The following ARHGAP1 variants were observed in gnomAD, a reference collection of about 807,000 sequenced individuals.
ARHGAP1 encodes the protein Rho GTPase activating protein 1, also known as rho GTPase-activating protein 1.
A neutral mutation model predicts 52.2 loss-of-function variants in ARHGAP1; 23 were observed. That is an observed-to-expected ratio of 0.44 (90% CI 0.32 to 0.62). The LOEUF (loss-of-function observed/expected upper bound fraction) is 0.62, where lower values mean the gene tolerates loss of function less well. Ranked by LOEUF, ARHGAP1 falls within the 20% of genes least tolerant of loss-of-function variation. ARHGAP1 has a pLI of 0.05. For synonymous variants in ARHGAP1, 210 were observed against 228.4 expected, an observed-to-expected ratio of 0.92 and a Z score of 0.73; for missense variants, 480 against 560.9, an observed-to-expected ratio of 0.86 and a Z score of 1.46.
rs2064657289 is a variant in ARHGAP1 at position 46,696,658 on chromosome 11, C to G, written c.-49-502G>C. Among the ~76,000 whole-genome samples, 1 of 152,338 alleles carries G rather than the reference C, an allele frequency of 6.6e-6. No homozygotes were observed. Among genetic ancestry groups the G allele is most frequent in the Admixed American group, 6.5e-5 (1 of 15,304 alleles). On this transcript the variant is annotated intron_variant, in intron 1 of 12. Transcript: ENST00000311956. The surrounding 1 kb of genome is among the most constrained non-coding windows in gnomAD (Gnocchi z 4.8). ...CCGAGGCAGGCGGATCACCTGAGGT[C>G]AGGAGTTCAAGACTAGCCTGGCCAG... is the stretch of plus-strand genomic sequence containing the variant.
intron 1 of ARHGAP1, among the ~76,000 whole-genome samples, chr11:46,697,853 G>GCCTTCAAC (rs917031413): frequency 2.6e-5 from 4 of 152,060 alleles, no homozygotes; most frequent in African/African-American, 7.2e-5. Flanking sequence ...CTCCCCTTCA[G>GCCTTCAAC]CCTTCAACCC....
At chr11:46,692,510 A>T (rs1429006193) in intron 3 of ARHGAP1, among the ~76,000 whole-genome samples, 4 of 152,106 alleles carry the variant, frequency 2.6e-5, no homozygotes. Context: ...GGTCTAAAAT[A>T]TAAGAGGTAG....
chr11:46,683,235 G>C (rs1394896753), intron 4 of ARHGAP1, among the ~76,000 whole-genome samples: 1 of 151,922 alleles, frequency 6.6e-6, no homozygotes, highest in African/African-American at 2.4e-5. Flanking sequence ...GTAGAGACAG[G>C]TCTCACTATG....
In ARHGAP1 at chr11:46,679,947, G is replaced by A. The variant is rs2064510959; in HGVS notation, c.899-171C>T. On this transcript the variant is annotated intron_variant, in intron 10 of 12. Transcript: ENST00000311956. This position sits in a 1 kb window ranked among gnomAD's most constrained non-coding sequence, Gnocchi z 4.4. ...CTTCCTCTGTGATCAGAGAATGCAG[G>A]TTCCGGCCATCTGGGGAAGTGGGGC... 2 of 1,199,792 alleles carry A rather than the reference G, an allele frequency of 1.7e-6. No individual in the cohort carries two copies. The highest frequency in any genetic ancestry group is 2.6e-5 in the Admixed American group (1 of 38,694). 74.3% of individuals were successfully genotyped at this position (1,199,792 alleles called of 1,614,324 possible). A position where few individuals can be genotyped will look rare whatever the true frequency, so the allele number is the denominator to read the frequency against.
rs1486316482 is a variant in ARHGAP1 at position 46,699,566 on chromosome 11, G to C, written c.-50+985C>G. Among the ~76,000 whole-genome samples, 4 of 133,724 alleles carry C rather than the reference G, an allele frequency of 3.0e-5. No individual in the cohort carries two copies. The East Asian group carries it at 8.3e-4, about 28-fold the overall frequency. The allele number at this position is 133,724 out of a possible 152,430, so 87.7% of individuals were successfully genotyped here. A position where few individuals can be genotyped will look rare whatever the true frequency, so the allele number is the denominator to read the frequency against. On this transcript the variant is annotated intron_variant, in intron 1 of 12. Transcript: ENST00000311956. ...AAAAATACAAAAATTAGCCGGGTGT[G>C]GTGGCGCGCGCCTGTACTCCCAGCT... is the stretch of plus-strand genomic sequence containing the variant.
In ARHGAP1 at chr11:46,678,076, C is replaced by G. The variant is rs1174027157; in HGVS notation, c.*961G>C. The G allele has an allele frequency of 6.4e-6, 2 of 314,090 alleles. No homozygotes were observed. Among genetic ancestry groups the G allele is most frequent in the African/African-American group, 4.6e-5 (2 of 43,408 alleles). 19.5% of individuals were successfully genotyped at this position (314,090 alleles called of 1,614,324 possible). ...GGCACTCTTAGTCTCTACCCCAGCCCCTTTAAGAGTCCCCCAGCTGGAGGA... is the reference window on the plus strand; with the variant it reads ...GGCACTCTTAGTCTCTACCCCAGCCGCTTTAAGAGTCCCCCAGCTGGAGGA... On this transcript the variant is annotated 3_prime_UTR_variant, in exon 13 of 13. Transcript: ENST00000311956.
chr11:46,697,913 C>T (rs2064669040), intron 1 of ARHGAP1, among the ~76,000 whole-genome samples: 1 of 152,166 alleles, frequency 6.6e-6, no homozygotes, highest in African/African-American at 2.4e-5. Flanking sequence ...GCCATCCAGC[C>T]AGGAGGCTGT....
At position 46,680,482 on chromosome 11, in the gene ARHGAP1, C is replaced by T. The variant is rs1312628001; in HGVS notation, c.820+5G>A. 2 of 1,613,558 alleles carry T rather than the reference C, an allele frequency of 1.2e-6. No homozygotes were observed. The highest frequency in any genetic ancestry group is 1.7e-6 in the Non-Finnish European group (2 of 1,179,832). ...GGCTGGTGAGGAGGCAGGCCCGGCA[C>T]TCACCGTGGGCCTGTAAGTAGGCAA... On this transcript the variant is annotated splice_donor_5th_base_variant and intron_variant, in intron 9 of 12. Transcript: ENST00000311956. This position sits in a 1 kb window ranked among gnomAD's most constrained non-coding sequence, Gnocchi z 5.9.
rs532967751 is a variant in ARHGAP1, at chr11:46,685,274, A to G, written c.317+2899T>C. On this transcript the variant is annotated intron_variant, in intron 4 of 12. Coordinates refer to ENST00000311956, the MANE Select transcript of ARHGAP1 (RefSeq NM_004308.5). ...TATTTATGGCTATGTATATTTTTCT[A>G]AACTCTCTAAATTGTAATACTTTAA... Among the ~76,000 whole-genome samples the G allele has an allele frequency of 6.0e-5, 9 of 151,140 alleles. No individual in the cohort carries two copies. The East Asian group carries it at 1.7e-3, about 29-fold the overall frequency.
chr11:46,681,511 G>A lies in ARHGAP1; in HGVS notation c.450-132C>T. 1.5e-6 allele frequency: 1 copy of A among 683,288 alleles called. No homozygotes were observed. The highest frequency in any genetic ancestry group is 2.3e-5 in the Admixed American group (1 of 42,774). 42.3% of individuals were successfully genotyped at this position (683,288 alleles called of 1,614,324 possible). ...GGCTGGAGTGTGATCTCAGCTCATT[G>A]CAGCCTCCACCTCCCGGATTCAAGC... On this transcript the variant is annotated intron_variant, in intron 5 of 12. Coordinates refer to ENST00000311956, the MANE Select transcript of ARHGAP1 (RefSeq NM_004308.5). The surrounding 1 kb of genome is among the most constrained non-coding windows in gnomAD (Gnocchi z 5.7).
chr11:46,679,303 G>C lies in ARHGAP1; in HGVS notation c.1131+62C>G. On this transcript the variant is annotated intron_variant, in intron 12 of 12. Coordinates refer to ENST00000311956, the MANE Select transcript of ARHGAP1 (RefSeq NM_004308.5). This position sits in a 1 kb window ranked among gnomAD's most constrained non-coding sequence, Gnocchi z 4.4. ...TCCCAGCAACAATGACCAGGGCGCA[G>C]AGGAGGCGGCAGCTCCTCCTTCCCC... 1.2e-6 allele frequency: 2 copies of C among 1,604,584 alleles called. No individual in the cohort carries two copies. The highest frequency in any genetic ancestry group is 1.7e-6 in the Non-Finnish European group (2 of 1,172,644).
rs1419532034 is a variant in ARHGAP1 at position 46,683,651 on chromosome 11, T to A, written c.318-1469A>T. On this transcript the variant is annotated intron_variant, in intron 4 of 12. Coordinates refer to ENST00000311956, the MANE Select transcript of ARHGAP1 (RefSeq NM_004308.5). ...GTGTGTAAAGCCCTCTCCTTTTTTT[T>A]TTTTTTGAGATGGAGTTTTGCTCTT... 2.6e-5 allele frequency among the ~76,000 whole-genome samples: 4 copies of A among 151,934 alleles called. No individual in the cohort carries two copies. In the East Asian group the frequency reaches 7.7e-4, roughly 29 times the overall value.
intron 1 of ARHGAP1, among the ~76,000 whole-genome samples, chr11:46,697,799 C>A (rs1372877703): frequency 6.6e-6 from 1 of 152,188 alleles, no homozygotes; most frequent in African/African-American, 2.4e-5. Context: ...CCCTCACGGT[C>A]AGGAATGCAT....
intron 4 of ARHGAP1, 127 bp from the exon 5 acceptor site, chr11:46,682,309 T>C: frequency 7.7e-7 from 1 of 1,302,278 alleles, no homozygotes; most frequent in South Asian, 1.4e-5. Flanking sequence ...CCTAGCACAG[T>C]CTGTTCTGGC....
intron 3 of ARHGAP1, among the ~76,000 whole-genome samples, chr11:46,694,246 C>T (rs187204926): frequency 2.6e-5 from 4 of 152,078 alleles, no homozygotes; most frequent in African/African-American, 9.7e-5. Flanking sequence ...GCCTCCCCCA[C>T]CCCCATCCTA....
rs1313623810 is a variant in ARHGAP1, at chr11:46,679,231, G to A, written c.1132-6C>T. 3 of 1,596,644 alleles carry A rather than the reference G, an allele frequency of 1.9e-6. No homozygotes were observed. The highest frequency in any genetic ancestry group is 2.6e-6 in the Non-Finnish European group (3 of 1,169,900). Reference sequence around the variant, plus strand: ...TGGTCACTGTGTGCAGAAATCTGTGGAGGGAATCAGGGACTGCAGCAGGAA... The same window carrying A: ...TGGTCACTGTGTGCAGAAATCTGTGAAGGGAATCAGGGACTGCAGCAGGAA... On this transcript the variant is annotated splice_polypyrimidine_tract_variant and splice_region_variant and intron_variant, in intron 12 of 12. Coordinates refer to ENST00000311956, the MANE Select transcript of ARHGAP1 (RefSeq NM_004308.5). The surrounding 1 kb of genome is among the most constrained non-coding windows in gnomAD (Gnocchi z 4.4).
chr11:46,689,261 A>C (rs1285560604), intron 3 of ARHGAP1, among the ~76,000 whole-genome samples: 1 of 152,190 alleles, frequency 6.6e-6, no homozygotes, highest in Non-Finnish European at 1.5e-5. Context: ...AGCCAGTCAC[A>C]AAAGGCCACC....
In ARHGAP1 at chr11:46,677,198, C is replaced by A. The variant is rs2064483704; in HGVS notation, c.*1839G>T. On this transcript the variant is annotated 3_prime_UTR_variant, in exon 13 of 13. Coordinates refer to ENST00000311956, the MANE Select transcript of ARHGAP1 (RefSeq NM_004308.5). Reference sequence around the variant, plus strand: ...TGGATTCACACAGTACAAGCACCCGCTCCCTGGGGTACAGACCAGTGGGGG... The same window carrying A: ...TGGATTCACACAGTACAAGCACCCGATCCCTGGGGTACAGACCAGTGGGGG... 6.6e-6 allele frequency: 1 copy of A among 152,620 alleles called. No individual in the cohort carries two copies. Among genetic ancestry groups the A allele is most frequent in the African/African-American group, 2.4e-5 (1 of 41,468 alleles). The allele number at this position is 152,620 out of a possible 1,614,324, so 9.5% of individuals were successfully genotyped here.
At chr11:46,690,629 AC>A (rs2134490106) in intron 3 of ARHGAP1, among the ~76,000 whole-genome samples, 1 of 152,096 alleles carries the variant, frequency 6.6e-6, no homozygotes, top group Admixed American at 6.6e-5. Flanking sequence ...GCCCCCACCA[AC>A]CCTTAAGACT....
Sources: allele counts gnomAD v4.1 joint callset (sites outside exome capture counted in the v4.1 genomes callset), GRCh38; gene constraint gnomAD v4.1.1; non-coding constraint Gnocchi (gnomAD v3.1); transcripts MANE v1.5; gene names NCBI Gene and HGNC (gene_info 2026-07-23, HGNC 2026-07-21).